Variants in NTPCR observed in about 807,000 individuals in gnomAD.
NTPCR encodes nucleoside-triphosphatase, cancer-related.
NTPCR carries 15 observed loss-of-function variants against 19.5 expected under a neutral mutation model. The ratio of observed to expected loss-of-function variants is 0.77; its 90% CI spans 0.51 to 1.18. NTPCR has a LOEUF of 1.18. Among genes scored for constraint, NTPCR ranks in the 50% most tolerant of loss-of-function variants. The pLI is 0.00. For synonymous variants in NTPCR, 90 were observed against 95.8 expected (o/e 0.94, Z 0.36); for missense variants, 206 against 240.4 (o/e 0.86, Z 0.95).
At chr1:232,962,447 T>C (rs1668692661) in intron 3 of NTPCR, 2 of 152,232 alleles carry the variant, frequency 1.3e-5, no homozygotes, top group African/African-American at 4.8e-5. Context: ...GATTGTTTTT[T>C]CTGTTTTCTA....
intron 4 of NTPCR, among the ~76,000 whole-genome samples, chr1:232,972,086 CA>C (rs1442740845): frequency 6.6e-6 from 1 of 152,188 alleles, no homozygotes; most frequent in African/African-American, 2.4e-5. Context: ...TGCCCAGAAA[CA>C]GACTTTGTGT....
chr1:232,979,717 C>G lies in NTPCR; in HGVS notation c.*1486C>G, dbSNP rs570591416. The G allele has an allele frequency of 2.0e-5, 3 of 152,406 alleles. No homozygotes were observed. The highest frequency in any genetic ancestry group is 7.2e-5 in the African/African-American group (3 of 41,580). The allele number at this position is 152,406 out of a possible 1,614,324, so 9.4% of individuals were successfully genotyped here. On this transcript the variant is annotated 3_prime_UTR_variant, in exon 5 of 5. Transcript: ENST00000366628. The surrounding 1 kb of genome is among the most constrained non-coding windows in gnomAD (Gnocchi z 5.3). The stretch of plus-strand genomic sequence containing the variant: ...GCAGGCTGGCTGTGACTTCCAGCCA[C>G]CATCACCAGGACACCGGTGTGGGCT...
chr1:232,977,163 A>G (rs1483353075), intron 4 of NTPCR: 1 of 152,020 alleles, frequency 6.6e-6, no homozygotes, highest in African/African-American at 2.4e-5. Flanking sequence ...CCCCTTTTCC[A>G]TGGTTCACCT....
intron 4 of NTPCR, among the ~76,000 whole-genome samples, chr1:232,973,175 T>C (rs766564966): frequency 2.0e-5 from 3 of 152,304 alleles, no homozygotes; most frequent in South Asian, 4.1e-4. Flanking sequence ...AGTAATATTA[T>C]CTAGACTTAT....
At chr1:232,959,470 T>A (rs529199093) in intron 3 of NTPCR, among the ~76,000 whole-genome samples, 1 of 152,332 alleles carries the variant, frequency 6.6e-6, no homozygotes, top group Non-Finnish European at 1.5e-5. Flanking sequence ...GTCAGGGTCA[T>A]GGATTTCTTT....
In NTPCR at chr1:232,950,685, C is replaced by T. The variant is rs766270072; in HGVS notation, c.-26C>T. 20 of 1,602,992 alleles carry T rather than the reference C, an allele frequency of 1.2e-5. No homozygotes were observed. The highest frequency in any genetic ancestry group is 7.7e-5 in the South Asian group (7 of 90,722). On this transcript the variant is annotated 5_prime_UTR_variant, in exon 1 of 5. Transcript: ENST00000366628. The stretch of plus-strand genomic sequence containing the variant: ...CCCCAACCTGGACTGCTCCCCTGAC[C>T]GCAACCCCTACCCCCGCCCACCAGT...
At chr1:232,955,524 TTTC>T (rs770820487) in intron 1 of NTPCR, 30 bp from the exon 2 acceptor site, 11 of 1,482,060 alleles carry the variant, frequency 7.4e-6, no homozygotes, top group Non-Finnish European at 9.9e-6. Flanking sequence ...CTAATGGGCT[TTTC>T]TTCTTTTTTT....
At chr1:232,955,104 T>A (rs1668475128) in intron 1 of NTPCR, among the ~76,000 whole-genome samples, 1 of 152,192 alleles carries the variant, frequency 6.6e-6, no homozygotes, top group Non-Finnish European at 1.5e-5. Context: ...TTTCCCACTG[T>A]TAAGTGTAGG....
chr1:232,977,918 A>G (rs1669171206), intron 4 of NTPCR, among the ~76,000 whole-genome samples: 1 of 152,150 alleles, frequency 6.6e-6, no homozygotes, highest in Non-Finnish European at 1.5e-5. Flanking sequence ...GGTTGGCTGA[A>G]ATCTGTCTGG....
At position 232,956,363 on chromosome 1, in the gene NTPCR, G is replaced by A; in HGVS notation, c.214G>A (p.Gly72Arg). 1 of 1,613,646 alleles carries A rather than the reference G, an allele frequency of 6.2e-7. No individual in the cohort carries two copies. The highest frequency in any genetic ancestry group is 8.5e-7 in the Non-Finnish European group (1 of 1,179,594). Residue 72 changes from glycine (G) to arginine (R), a missense_variant, in exon 3 of 5, where the codon GGA becomes AGA. Transcript: ENST00000366628. ...TTCCTTCAGGTTAGAGCCTCCACCT[G>A]GAAAACGTGAATGCCGAGTTGGGCA... ...LSRVGLEPPP[G>R]KRECRVGQYV...
intron 1 of NTPCR, 22 bp from the exon 2 acceptor site, chr1:232,955,535 T>C (rs1356125133): frequency 2.2e-5 from 33 of 1,473,054 alleles, no homozygotes; most frequent in Middle Eastern, 2.5e-4. Flanking sequence ...TTCTTCTTTT[T>C]TTTTTTTTTT....
intron 2 of NTPCR, 26 bp from the exon 3 acceptor site, chr1:232,956,321 A>G: frequency 6.4e-7 from 1 of 1,567,506 alleles, no homozygotes; most frequent in Middle Eastern, 1.7e-4. Flanking sequence ...GTTTTTCAAC[A>G]AAGAACATAA....
rs13381 is a variant in NTPCR at position 232,950,710 on chromosome 1, T to G, written c.-1T>G. 1 of 1,605,268 alleles carries G rather than the reference T, an allele frequency of 6.2e-7. No individual in the cohort carries two copies. The highest frequency in any genetic ancestry group is 8.5e-7 in the Non-Finnish European group (1 of 1,174,732). On this transcript the variant is annotated 5_prime_UTR_variant, in exon 1 of 5. Transcript: ENST00000366628. ...CGCAACCCCTACCCCCGCCCACCAG[T>G]ATGGCCCGGCACGTGTTCCTAACGG...
At position 232,983,391 on chromosome 1, in the gene NTPCR, G is replaced by T. The variant is rs1669334464; in HGVS notation, c.*5160G>T. 6.6e-6 allele frequency: 1 copy of T among 152,194 alleles called. No individual in the cohort carries two copies. The highest frequency in any genetic ancestry group is 1.5e-5 in the Non-Finnish European group (1 of 68,048). 9.4% of individuals were successfully genotyped at this position (152,194 alleles called of 1,614,324 possible). ...TCTCACCATAAAAGATATACTTGTAGAAATGAGAAGCTTCAGTATAACTCA... is the reference window on the plus strand; with the variant it reads ...TCTCACCATAAAAGATATACTTGTATAAATGAGAAGCTTCAGTATAACTCA... On this transcript the variant is annotated 3_prime_UTR_variant, in exon 5 of 5. Coordinates refer to ENST00000366628, the MANE Select transcript of NTPCR (RefSeq NM_032324.3).
chr1:232,974,838 C>G (rs1362492735), intron 4 of NTPCR, among the ~76,000 whole-genome samples: 1 of 152,200 alleles, frequency 6.6e-6, no homozygotes, highest in Non-Finnish European at 1.5e-5. Flanking sequence ...AGGGCTGCCC[C>G]CATGACCTAA....
intron 1 of NTPCR, among the ~76,000 whole-genome samples, chr1:232,954,606 G>T (rs913479586): frequency 6.6e-6 from 1 of 152,166 alleles, no homozygotes; most frequent in Non-Finnish European, 1.5e-5. Flanking sequence ...GTATAGCCTT[G>T]GGTAAAATAC....
At chr1:232,961,357 C>T (rs1269843588) in intron 3 of NTPCR, among the ~76,000 whole-genome samples, 1 of 152,204 alleles carries the variant, frequency 6.6e-6, no homozygotes, top group Non-Finnish European at 1.5e-5. Context: ...GACTTTGTGT[C>T]CCACTGCCAG....
intron 3 of NTPCR, chr1:232,968,601 C>T (rs41271535): frequency 0.048 from 7,333 of 152,306 alleles, 217 homozygotes; most frequent in Middle Eastern, 0.13. Context: ...GCCCGCAGCC[C>T]CGTCTGTCAC....
chr1:232,966,356 ACAATC>A (rs1668817110), intron 3 of NTPCR: 1 of 152,232 alleles, frequency 6.6e-6, no homozygotes, highest in African/African-American at 2.4e-5. Flanking sequence ...TTAAAATAAA[ACAATC>A]CAAACAGTCC....
Sources: allele counts gnomAD v4.1 joint callset (sites outside exome capture counted in the v4.1 genomes callset), GRCh38; gene constraint gnomAD v4.1.1; non-coding constraint Gnocchi (gnomAD v3.1); transcripts MANE v1.5; gene names NCBI Gene and HGNC (gene_info 2026-07-23, HGNC 2026-07-21).